CUBN: variants seen among roughly 807,000 people sequenced by gnomAD.
CUBN encodes cubilin.
Under a neutral mutation model 405.3 loss-of-function variants are expected in CUBN, and 282 were observed. That is an observed-to-expected ratio of 0.70 (90% CI 0.63 to 0.77). The LOEUF is 0.77. CUBN is among the 30% of genes least tolerant of loss of function. CUBN has a pLI of 0.00. For synonymous variants in CUBN, 1,684 were observed against 1,617.0 expected (o/e 1.04, Z -0.99); for missense variants, 4,514 against 4,475.2 (o/e 1.01, Z -0.25).
intron 28 of CUBN, among the ~76,000 whole-genome samples, chr10:17,015,927 TG>T (rs1248651977): frequency 6.6e-6 from 1 of 152,030 alleles, no homozygotes; most frequent in Non-Finnish European, 1.5e-5. Context: ...ACTAAGGCTG[TG>T]GCCTTTCTCT....
At position 16,840,461 on chromosome 10, in the gene CUBN, C is replaced by G; in HGVS notation, c.9901G>C (p.Val3301Leu). 6.2e-7 allele frequency: 1 copy of G among 1,613,944 alleles called. No homozygotes were observed. The highest frequency in any genetic ancestry group is 1.1e-5 in the South Asian group (1 of 91,042). Residue 3301 changes from valine (V) to leucine (L), a missense_variant, in exon 62 of 67, where the codon GTC becomes CTC. Coordinates refer to ENST00000377833, the MANE Select transcript of CUBN (RefSeq NM_001081.4). ...ISSPNSSDPD[V>L]PFSICTWVID... ...ACCCAAGTACAGATGGAAAATGGGA[C>G]ATCTGGGTCTGATGAATTGGGTGAT...
chr10:17,065,695 G>C (rs553186324), intron 21 of CUBN, 57 bp from the exon 22 acceptor site: 2 of 1,603,090 alleles, frequency 1.2e-6, no homozygotes, highest in Non-Finnish European at 1.7e-6. Flanking sequence ...TACTGAAAAT[G>C]ATGTAACAAA....
At chr10:16,918,834 T>A (rs749912307) in intron 44 of CUBN, 34 bp from the exon 45 acceptor site, 20 of 1,579,624 alleles carry the variant, frequency 1.3e-5, no homozygotes, top group Middle Eastern at 1.7e-4. Context: ...TAAATTTACA[T>A]GGTCAGATGC....
rs910405479 is a variant in CUBN at position 16,947,142 on chromosome 10, C to G, written c.5342+93G>C. ...TTGGAAAAATACTTCCTAAATTTCA[C>G]GTACACTATGAGTTGCCCATCCTAT... On this transcript the variant is annotated intron_variant, in intron 36 of 66. Transcript: ENST00000377833. 6 of 1,326,328 alleles carry G rather than the reference C, an allele frequency of 4.5e-6. 1 individual carries two copies. The highest frequency in any genetic ancestry group is 1.5e-5 in the African/African-American group (1 of 68,904). 82.2% of individuals were successfully genotyped at this position (1,326,328 alleles called of 1,614,324 possible).
chr10:16,884,836 G>A (rs1840765869), intron 56 of CUBN, among the ~76,000 whole-genome samples: 1 of 152,110 alleles, frequency 6.6e-6, no homozygotes, highest in Non-Finnish European at 1.5e-5. Context: ...CACCTTTTGT[G>A]CTAATGGTCC....
chr10:17,016,582 G>T (rs930491445), intron 28 of CUBN, among the ~76,000 whole-genome samples: 2 of 152,162 alleles, frequency 1.3e-5, no homozygotes, highest in Admixed American at 6.5e-5. Context: ...ACTTCCCCAG[G>T]TCTGCGTTGA....
rs1843434394 is a variant in CUBN, at chr10:16,967,795, C to CAGAG, written c.4696-13248_4696-13247insCTCT. On this transcript the variant is annotated intron_variant, in intron 31 of 66. Transcript: ENST00000377833. Reference sequence around the variant, plus strand: ...AGGGAGAAAGAGAGAGAAGGAGAGACGGAGAGAGAAAGAAGGAGAGACAGA... The same window carrying CAGAG: ...AGGGAGAAAGAGAGAGAAGGAGAGACAGAGGGAGAGAGAAAGAAGGAGAGACAGA... 8.8e-5 allele frequency among the ~76,000 whole-genome samples: 10 copies of CAGAG among 113,176 alleles called. No individual in the cohort carries two copies. The Admixed American group carries it at 9.3e-4, about 11-fold the overall frequency. The allele number at this position is 113,176 out of a possible 152,430, so 74.2% of individuals were successfully genotyped here.
At chr10:16,966,586 T>C (rs969097536) in intron 31 of CUBN, among the ~76,000 whole-genome samples, 1 of 152,128 alleles carries the variant, frequency 6.6e-6, no homozygotes, top group African/African-American at 2.4e-5. Flanking sequence ...GTAGCTGGGA[T>C]TACAGGCATG....
intron 31 of CUBN, among the ~76,000 whole-genome samples, chr10:16,981,934 T>C (rs1833288113): frequency 6.6e-6 from 1 of 152,228 alleles, no homozygotes; most frequent in South Asian, 2.1e-4. Flanking sequence ...CAAATCAAGA[T>C]ATCCTTGTCT....
intron 22 of CUBN, among the ~76,000 whole-genome samples, chr10:17,053,641 A>G (rs1408046257): frequency 1.3e-5 from 2 of 152,100 alleles, no homozygotes; most frequent in Non-Finnish European, 2.9e-5. Flanking sequence ...AGATTTTAAC[A>G]CCTTTCTCTC....
chr10:16,975,049 T>C (rs1465412652), intron 31 of CUBN, among the ~76,000 whole-genome samples: 1 of 152,190 alleles, frequency 6.6e-6, no homozygotes, highest in East Asian at 1.9e-4. Flanking sequence ...GAAAGTTGTA[T>C]GTAGATTTTT....
intron 7 of CUBN, among the ~76,000 whole-genome samples, chr10:17,115,073 G>A (rs976396587): frequency 1.1e-4 from 17 of 151,916 alleles, no homozygotes; most frequent in Admixed American, 1.1e-3. Context: ...GCAAAACCCC[G>A]TCTCTACTAA....
Position 16,931,259 on chromosome 10 carries a change from G to A in CUBN, c.6124+1828C>T, listed in dbSNP as rs142221818. Among the ~76,000 whole-genome samples, 313 of 147,468 alleles carry A rather than the reference G, an allele frequency of 2.1e-3. 3 individuals are homozygous for A. Among genetic ancestry groups the A allele is most frequent in the African/African-American group, 7.3e-3 (294 of 40,238 alleles). On this transcript the variant is annotated intron_variant, in intron 40 of 66. Coordinates refer to ENST00000377833, the MANE Select transcript of CUBN (RefSeq NM_001081.4). The stretch of plus-strand genomic sequence containing the variant: ...GGCCTGGACAAAAGAGTGAGACTCC[G>A]TCTCAAAAAAAAAAAAACATCAAAT...
At chr10:16,845,630 G>A (rs926530747) in intron 60 of CUBN, among the ~76,000 whole-genome samples, 12 of 152,216 alleles carry the variant, frequency 7.9e-5, no homozygotes, top group Non-Finnish European at 1.5e-4. Flanking sequence ...AAATCTCAAT[G>A]TTCTTCTCTA....
At chr10:16,980,257 T>A (rs976953737) in intron 31 of CUBN, among the ~76,000 whole-genome samples, 1 of 152,236 alleles carries the variant, frequency 6.6e-6, no homozygotes. Flanking sequence ...TGTAAATTAG[T>A]TCAACCATTG....
chr10:17,063,159 G>A (rs534832873), intron 22 of CUBN, among the ~76,000 whole-genome samples: 22 of 152,102 alleles, frequency 1.4e-4, no homozygotes, highest in African/African-American at 4.6e-4. Flanking sequence ...CATGAGAGCC[G>A]ATCTCTCAGG....
intron 19 of CUBN, among the ~76,000 whole-genome samples, chr10:17,070,774 G>T (rs1411999835): frequency 1.3e-5 from 2 of 152,118 alleles, no homozygotes; most frequent in Non-Finnish European, 2.9e-5. Context: ...GATTCCTTAT[G>T]ATTTCCTATA....
chr10:17,044,174 A>T (rs1835073194), intron 25 of CUBN, among the ~76,000 whole-genome samples, 191 bp from the exon 26 acceptor site: 1 of 146,598 alleles, frequency 6.8e-6, no homozygotes, highest in South Asian at 2.1e-4. Flanking sequence ...AAATAAATTT[A>T]TTTAATACAT....
chr10:16,937,881 T>C, intron 38 of CUBN, 97 bp from the exon 39 acceptor site: 5 of 1,134,956 alleles, frequency 4.4e-6, no homozygotes, highest in South Asian at 1.5e-5. Context: ...TACAATGTTA[T>C]CATAACAAAA....
Sources: gnomAD v4.1 joint callset for allele counts (sites outside exome capture counted in the v4.1 genomes callset) on GRCh38, gnomAD v4.1.1 for gene constraint, MANE v1.5 for transcripts, NCBI Gene and HGNC (gene_info 2026-07-23, HGNC 2026-07-21) for gene names.